The following CACNA2D3 variants were observed in gnomAD, a reference collection of about 807,000 sequenced individuals.
The protein encoded by CACNA2D3 is calcium voltage-gated channel auxiliary subunit alpha2delta 3, also known as voltage-dependent calcium channel subunit alpha-2/delta-3.
Under a neutral mutation model 160.6 loss-of-function variants are expected in CACNA2D3, and 60 were observed. The observed-to-expected ratio is 0.37, with a 90% CI of 0.30 to 0.46. The LOEUF (loss-of-function observed/expected upper bound fraction) is 0.46, where lower values mean the gene tolerates loss of function less well. CACNA2D3 is among the 20% of genes least tolerant of loss of function. CACNA2D3 has a pLI of 1.00. For missense variants in CACNA2D3, 1,205 were observed against 1,365.0 expected, an observed-to-expected ratio of 0.88 and a Z score of 1.85; for synonymous variants, 558 against 492.9, an observed-to-expected ratio of 1.13 and a Z score of -1.75.
At chr3:54,908,437 C>T (rs527524929) in intron 27 of CACNA2D3, among the ~76,000 whole-genome samples, 11 of 152,168 alleles carry the variant, frequency 7.2e-5, no homozygotes, top group African/African-American at 1.9e-4. Flanking sequence ...CTTGTCAGGC[C>T]GGGTGTGGTG....
intron 3 of CACNA2D3, among the ~76,000 whole-genome samples, chr3:54,380,337 A>C (rs947178936): frequency 6.6e-6 from 1 of 152,208 alleles, no homozygotes; most frequent in Admixed American, 6.5e-5. Context: ...ACTTCTGTAG[A>C]CTGTCAGCAT....
chr3:54,528,024 C>A (rs1701751557), intron 5 of CACNA2D3, among the ~76,000 whole-genome samples: 1 of 152,104 alleles, frequency 6.6e-6, no homozygotes, highest in Non-Finnish European at 1.5e-5. Context: ...TGGAGCTCTT[C>A]ATGTTGTTGT....
At chr3:54,923,080 T>G (rs1700899674) in intron 27 of CACNA2D3, among the ~76,000 whole-genome samples, 1 of 152,206 alleles carries the variant, frequency 6.6e-6, no homozygotes, top group Non-Finnish European at 1.5e-5. Context: ...CTGGTTCTTC[T>G]TCTGCAGCCT....
At chr3:54,495,526 A>G (rs930329056) in intron 4 of CACNA2D3, among the ~76,000 whole-genome samples, 3 of 152,180 alleles carry the variant, frequency 2.0e-5, no homozygotes, top group Non-Finnish European at 2.9e-5. Context: ...AAGAGGGCAG[A>G]TCACTTGAGG....
chr3:54,663,616 G>T (rs758440290), intron 11 of CACNA2D3, among the ~76,000 whole-genome samples: 1 of 152,210 alleles, frequency 6.6e-6, no homozygotes, highest in Non-Finnish European at 1.5e-5. Flanking sequence ...ACAACTAAAT[G>T]CATTTATGAT....
intron 3 of CACNA2D3, among the ~76,000 whole-genome samples, chr3:54,336,859 A>G (rs1348615719): frequency 1.3e-5 from 2 of 152,222 alleles, no homozygotes; most frequent in African/African-American, 4.8e-5. Flanking sequence ...AATTAAAAGT[A>G]TATAAAACAC....
intron 35 of CACNA2D3, among the ~76,000 whole-genome samples, chr3:55,068,613 C>T (rs1227786371): frequency 1.3e-5 from 2 of 152,052 alleles, no homozygotes; most frequent in South Asian, 2.1e-4. Context: ...TGGTACTTTA[C>T]GTATAGTTTT....
rs1197151211 is a variant in CACNA2D3 at position 54,598,598 on chromosome 3, T to A, written c.963+16721T>A. 2.0e-5 allele frequency among the ~76,000 whole-genome samples: 3 copies of A among 152,158 alleles called. No individual in the cohort carries two copies. The East Asian group carries it at 5.8e-4, about 29-fold the overall frequency. On this transcript the variant is annotated intron_variant, in intron 9 of 37. Transcript: ENST00000474759. The stretch of plus-strand genomic sequence containing the variant: ...ATCAGAACAAGCCTTTCCCAGGACA[T>A]CTCTCCCAGGAAGATGAGTCCTTCT...
chr3:54,478,679 T>TATA (rs1559493334), intron 4 of CACNA2D3, among the ~76,000 whole-genome samples: 1 of 47,764 alleles, frequency 2.1e-5, no homozygotes, highest in Admixed American at 2.0e-4. Flanking sequence ...TATATATATA[T>TATA]TGCTTGTCAT....
intron 25 of CACNA2D3, among the ~76,000 whole-genome samples, chr3:54,896,097 T>G (rs921806386): frequency 6.6e-6 from 1 of 152,042 alleles, no homozygotes; most frequent in Non-Finnish European, 1.5e-5. Flanking sequence ...AAAATGAGTG[T>G]GATTTTGAAA....
chr3:54,502,072 T>G (rs914768348), intron 4 of CACNA2D3, among the ~76,000 whole-genome samples: 15 of 152,252 alleles, frequency 9.9e-5, no homozygotes, highest in African/African-American at 3.4e-4. Flanking sequence ...TCTCTTTTTC[T>G]TTGATTTTAT....
intron 5 of CACNA2D3, among the ~76,000 whole-genome samples, chr3:54,555,966 A>G (rs1230748396): frequency 6.6e-6 from 1 of 152,202 alleles, no homozygotes; most frequent in Non-Finnish European, 1.5e-5. Flanking sequence ...TAACATGAAC[A>G]TGAAAATCTG....
At chr3:55,014,859 C>T (rs981682128) in intron 34 of CACNA2D3, among the ~76,000 whole-genome samples, 21 of 152,194 alleles carry the variant, frequency 1.4e-4, no homozygotes, top group African/African-American at 4.1e-4. Context: ...GCACTCTAGA[C>T]AAAGTAAGTT....
intron 2 of CACNA2D3, among the ~76,000 whole-genome samples, chr3:54,157,468 A>G (rs538488427): frequency 1.3e-5 from 2 of 152,296 alleles, no homozygotes; most frequent in South Asian, 2.1e-4. Flanking sequence ...AACAAGTCAA[A>G]CAACGATGTG....
intron 4 of CACNA2D3, among the ~76,000 whole-genome samples, chr3:54,477,540 C>A (rs976382804): frequency 2.0e-5 from 3 of 152,178 alleles, no homozygotes; most frequent in Non-Finnish European, 4.4e-5. Context: ...GACTTGCCAT[C>A]TCCCTGGGCC....
At chr3:54,694,440 A>G (rs965005298) in intron 11 of CACNA2D3, among the ~76,000 whole-genome samples, 8 of 152,216 alleles carry the variant, frequency 5.3e-5, no homozygotes, top group Non-Finnish European at 2.9e-5. Flanking sequence ...TGACACACAA[A>G]TATACTTATA....
chr3:54,780,480 G>A (rs1424722630), intron 13 of CACNA2D3, among the ~76,000 whole-genome samples: 12 of 152,178 alleles, frequency 7.9e-5, no homozygotes, highest in Non-Finnish European at 1.5e-4. Context: ...CTAAAGATAT[G>A]GTTTATGGGG....
chr3:54,536,214 C>T (rs756947973), intron 5 of CACNA2D3, among the ~76,000 whole-genome samples: 10 of 152,272 alleles, frequency 6.6e-5, no homozygotes, highest in South Asian at 4.1e-4. Context: ...GCCGCATACA[C>T]GAAACAGGTC....
chr3:54,202,903 G>C (rs1701203967), intron 2 of CACNA2D3, among the ~76,000 whole-genome samples: 1 of 152,322 alleles, frequency 6.6e-6, no homozygotes, highest in East Asian at 1.9e-4. Context: ...TGTCAAGCAA[G>C]GCTTAGGGGA....
Sources: allele counts gnomAD v4.1 joint callset (sites outside exome capture counted in the v4.1 genomes callset), GRCh38; gene constraint gnomAD v4.1.1; transcripts MANE v1.5; gene names NCBI Gene and HGNC (gene_info 2026-07-23, HGNC 2026-07-21).